Variants in SLC4A4 observed in about 807,000 individuals in gnomAD.
The protein encoded by SLC4A4 is electrogenic sodium bicarbonate cotransporter 1.
In SLC4A4, 27 loss-of-function variants were observed where a neutral mutation model predicts 111.5. The ratio of observed to expected loss-of-function variants is 0.24; its 90% CI spans 0.18 to 0.33. The LOEUF (loss-of-function observed/expected upper bound fraction) is 0.33, where lower values mean the gene tolerates loss of function less well. Ranked by LOEUF, SLC4A4 falls within the 10% of genes least tolerant of loss-of-function variation. The pLI, the probability that SLC4A4 is intolerant of heterozygous loss-of-function variation, is 1.00. For synonymous variants in SLC4A4, 443 were observed against 463.4 expected (o/e 0.96, Z 0.57); for missense variants, 909 against 1,315.5 (o/e 0.69, Z 4.78).
intron 3 of SLC4A4, among the ~76,000 whole-genome samples, chr4:71,264,852 T>C (rs1375063244): frequency 2.6e-5 from 4 of 152,146 alleles, no homozygotes; most frequent in African/African-American, 7.2e-5. Context: ...TTCCTAAATA[T>C]AGGTTTTGAG....
At chr4:71,425,460 G>T (rs1374221700) in intron 7 of SLC4A4, among the ~76,000 whole-genome samples, 1 of 152,090 alleles carries the variant, frequency 6.6e-6, no homozygotes, top group Admixed American at 6.6e-5. Context: ...AAAAACTCCT[G>T]TCTTGTGTAA....
intron 3 of SLC4A4, among the ~76,000 whole-genome samples, chr4:71,332,698 C>T (rs1366449299): frequency 1.3e-5 from 2 of 152,222 alleles, no homozygotes; most frequent in Non-Finnish European, 2.9e-5. Context: ...TCCCAAAGTG[C>T]TGGGATTACA....
intron 2 of SLC4A4, among the ~76,000 whole-genome samples, chr4:71,136,430 T>C (rs1743845550): frequency 6.6e-6 from 1 of 152,208 alleles, no homozygotes; most frequent in African/African-American, 2.4e-5. Context: ...ATTTTTGCCC[T>C]TTAGTGACCA....
chr4:71,533,297 T>C (rs1176280605), intron 17 of SLC4A4, among the ~76,000 whole-genome samples: 6 of 152,132 alleles, frequency 3.9e-5, no homozygotes, highest in African/African-American at 1.4e-4. Flanking sequence ...TTGAAATGCA[T>C]TGATGAGTAA....
At chr4:71,178,882 C>T (rs933045562) in intron 2 of SLC4A4, among the ~76,000 whole-genome samples, 2 of 152,148 alleles carry the variant, frequency 1.3e-5, no homozygotes, top group Non-Finnish European at 2.9e-5. Flanking sequence ...GATACCAAAG[C>T]CTGGCAGAGA....
At chr4:71,348,393 A>AAGTAG (rs1729519449) in intron 4 of SLC4A4, among the ~76,000 whole-genome samples, 1 of 151,704 alleles carries the variant, frequency 6.6e-6, no homozygotes, top group African/African-American at 2.4e-5. Flanking sequence ...TGTCACAGCT[A>AAGTAG]CTTTTGTAGA....
At chr4:71,318,475 T>C (rs1451353121) in intron 3 of SLC4A4, among the ~76,000 whole-genome samples, 3 of 152,088 alleles carry the variant, frequency 2.0e-5, no homozygotes, top group South Asian at 2.1e-4. Context: ...TGTGTCACTG[T>C]AGGAGAAAAT....
chr4:71,451,453 G>A, intron 11 of SLC4A4, 152 bp downstream of exon 11: 1 of 706,038 alleles, frequency 1.4e-6, no homozygotes, highest in South Asian at 1.5e-5. Context: ...TGGGAATATA[G>A]CAGTGAATTA....
At chr4:71,537,555 T>G (rs538143947) in intron 18 of SLC4A4, among the ~76,000 whole-genome samples, 7 of 152,152 alleles carry the variant, frequency 4.6e-5, no homozygotes, top group African/African-American at 1.7e-4. Flanking sequence ...ACAGAGATAA[T>G]GTGAATTCCA....
intron 25 of SLC4A4, among the ~76,000 whole-genome samples, chr4:71,567,399 T>G (rs908813061): frequency 6.6e-6 from 1 of 151,770 alleles, no homozygotes; most frequent in Admixed American, 6.6e-5. Context: ...TCTTCTCCAG[T>G]GGTTTCTTTC....
At chr4:71,133,273 A>C (rs1743757088) in intron 2 of SLC4A4, among the ~76,000 whole-genome samples, 1 of 152,162 alleles carries the variant, frequency 6.6e-6, no homozygotes, top group African/African-American at 2.4e-5. Context: ...CTGTGAGGCT[A>C]AGCTTTACCG....
At chr4:71,252,109 A>G (rs1037702173) in intron 2 of SLC4A4, among the ~76,000 whole-genome samples, 2 of 152,196 alleles carry the variant, frequency 1.3e-5, no homozygotes, top group African/African-American at 4.8e-5. Context: ...TAATGAAAAT[A>G]AATATTGAGA....
intron 4 of SLC4A4, among the ~76,000 whole-genome samples, chr4:71,345,054 C>G (rs1409655267): frequency 6.6e-6 from 1 of 152,134 alleles, no homozygotes; most frequent in Non-Finnish European, 1.5e-5. Context: ...CGTCCTTTAC[C>G]TGTTCTTCCC....
intron 2 of SLC4A4, among the ~76,000 whole-genome samples, chr4:71,114,308 T>G (rs1743186052): frequency 6.6e-6 from 1 of 151,652 alleles, no homozygotes; most frequent in East Asian, 1.9e-4. Flanking sequence ...CCAAAAGCAA[T>G]GGCAACAAAA....
intron 1 of SLC4A4, among the ~76,000 whole-genome samples, chr4:71,207,840 G>T (rs1214340019): frequency 6.6e-6 from 1 of 152,120 alleles, no homozygotes; most frequent in Non-Finnish European, 1.5e-5. Flanking sequence ...GGAGACAGGG[G>T]CTCATTCCAT....
intron 7 of SLC4A4, among the ~76,000 whole-genome samples, chr4:71,404,134 A>G (rs1471018536): frequency 6.6e-6 from 1 of 152,158 alleles, no homozygotes; most frequent in Non-Finnish European, 1.5e-5. Context: ...AGTGGGTGTA[A>G]GCCACCAAGA....
At chr4:71,461,873 G>A (rs1726861723) in intron 12 of SLC4A4, among the ~76,000 whole-genome samples, 1 of 152,034 alleles carries the variant, frequency 6.6e-6, no homozygotes, top group Non-Finnish European at 1.5e-5. Flanking sequence ...AAGCTATTTT[G>A]TTTATTATCA....
At chr4:71,351,179 T>A (rs1482250868) in intron 5 of SLC4A4, among the ~76,000 whole-genome samples, 2 of 152,170 alleles carry the variant, frequency 1.3e-5, no homozygotes, top group Non-Finnish European at 2.9e-5. Context: ...TTGATGGTGG[T>A]GATACAAATG....
At chr4:71,239,927 A>G (rs573086844) in intron 2 of SLC4A4, among the ~76,000 whole-genome samples, 1 of 152,194 alleles carries the variant, frequency 6.6e-6, no homozygotes, top group Non-Finnish European at 1.5e-5. Context: ...CTTTATCAAA[A>G]TGCCCCAGCT....
Sources: gnomAD v4.1 joint callset for allele counts (sites outside exome capture counted in the v4.1 genomes callset) on GRCh38, gnomAD v4.1.1 for gene constraint, MANE v1.5 for transcripts, NCBI Gene and HGNC (gene_info 2026-07-23, HGNC 2026-07-21) for gene names.